CTNNA2: variants seen among roughly 807,000 people sequenced by gnomAD.
The protein encoded by CTNNA2 is catenin alpha-2.
CTNNA2 carries 42 observed loss-of-function variants against 101.0 expected under a neutral mutation model. The observed-to-expected ratio is 0.42, with a 90% CI of 0.32 to 0.54. The LOEUF (loss-of-function observed/expected upper bound fraction) is 0.54, where lower values mean the gene tolerates loss of function less well. CTNNA2 is among the 20% of genes least tolerant of loss of function. The pLI is 0.14. For synonymous variants in CTNNA2, 450 were observed against 456.4 expected (o/e 0.99, Z 0.18); for missense variants, 871 against 1,223.1 (o/e 0.71, Z 4.29).
At chr2:80,545,747 TCTC>T (rs1490679088) in intron 10 of CTNNA2, among the ~76,000 whole-genome samples, 157 bp from the exon 11 acceptor site, 1 of 152,092 alleles carries the variant, frequency 6.6e-6, no homozygotes, top group Non-Finnish European at 1.5e-5. Context: ...TAGTTGAAAA[TCTC>T]CTTTATCTTT....
intron 7 of CTNNA2, among the ~76,000 whole-genome samples, chr2:80,018,881 G>A (rs76961419): frequency 0.14 from 21,903 of 151,842 alleles, 1,984 homozygotes; most frequent in South Asian, 0.34. Flanking sequence ...TTCTGAAAGC[G>A]AAAGAGTAGG....
At chr2:79,983,786 A>G (rs2103850968) in intron 7 of CTNNA2, among the ~76,000 whole-genome samples, 2 of 152,352 alleles carry the variant, frequency 1.3e-5, no homozygotes, top group Middle Eastern at 3.4e-3. Context: ...CTTAATTACT[A>G]GTACTGCAAA....
intron 2 of CTNNA2, among the ~76,000 whole-genome samples, chr2:79,711,345 T>C (rs1461302966): frequency 2.6e-5 from 4 of 152,126 alleles, no homozygotes; most frequent in Non-Finnish European, 5.9e-5. Flanking sequence ...ATTCCAGATA[T>C]GCTGGAGGAG....
In CTNNA2 at chr2:80,541,005, T is replaced by C. The variant is rs568161531; in HGVS notation, c.1291-3977T>C. Among the ~76,000 whole-genome samples, 191 of 152,296 alleles carry C rather than the reference T, an allele frequency of 1.3e-3. 2 individuals are homozygous for C. Among genetic ancestry groups the C allele is most frequent in the African/African-American group, 4.3e-3 (179 of 41,574 alleles). On this transcript the variant is annotated intron_variant, in intron 9 of 18. Transcript: ENST00000402739. ...CATCTGGCCCAAGCTACATTATTGA[T>C]TGGGGACTGCCTCAAGCTATGAAGC...
intron 2 of CTNNA2, among the ~76,000 whole-genome samples, chr2:79,675,617 C>G (rs1031041029): frequency 3.3e-5 from 5 of 152,092 alleles, no homozygotes; most frequent in Non-Finnish European, 5.9e-5. Context: ...ATTTCTTTAT[C>G]AAAATACTCA....
At chr2:79,955,040 G>A (rs1391937142) in intron 7 of CTNNA2, among the ~76,000 whole-genome samples, 1 of 152,062 alleles carries the variant, frequency 6.6e-6, no homozygotes, top group African/African-American at 2.4e-5. Flanking sequence ...TAATTTCTTG[G>A]ACATCATTTC....
intron 1 of CTNNA2, among the ~76,000 whole-genome samples, chr2:79,573,114 C>A (rs574581093): frequency 6.6e-6 from 1 of 152,224 alleles, no homozygotes; most frequent in Non-Finnish European, 1.5e-5. Flanking sequence ...GACTGGAAAT[C>A]TTTATCTATT....
At chr2:79,678,317 A>C (rs993477481) in intron 2 of CTNNA2, among the ~76,000 whole-genome samples, 1 of 152,104 alleles carries the variant, frequency 6.6e-6, no homozygotes, top group African/African-American at 2.4e-5. Context: ...CAAGGTAGGC[A>C]GATCACTTGA....
intron 15 of CTNNA2, among the ~76,000 whole-genome samples, chr2:80,600,753 T>G (rs1193406418): frequency 1.3e-5 from 2 of 152,040 alleles, no homozygotes; most frequent in Non-Finnish European, 2.9e-5. Context: ...CAAGCAAACC[T>G]CTCACATCAG....
At chr2:79,205,965 T>G (rs1674095188) in intron 2 of CTNNA2, among the ~76,000 whole-genome samples, 1 of 152,170 alleles carries the variant, frequency 6.6e-6, no homozygotes. Flanking sequence ...CCCATTAGAC[T>G]TCAAAGCTGT....
chr2:79,799,931 AGG>A (rs1347310049), intron 3 of CTNNA2, among the ~76,000 whole-genome samples: 1 of 152,202 alleles, frequency 6.6e-6, no homozygotes, highest in Non-Finnish European at 1.5e-5. Context: ...TTTTGCTTAG[AGG>A]GGAAAAGTTC....
At chr2:80,131,844 C>A (rs1243164587) in intron 7 of CTNNA2, among the ~76,000 whole-genome samples, 2 of 152,044 alleles carry the variant, frequency 1.3e-5, no homozygotes, top group Non-Finnish European at 2.9e-5. Context: ...ACTTTGGGAG[C>A]CTGAGGCAGG....
intron 7 of CTNNA2, among the ~76,000 whole-genome samples, chr2:80,102,319 G>A (rs1480828820): frequency 1.3e-5 from 2 of 152,048 alleles, no homozygotes; most frequent in Non-Finnish European, 2.9e-5. Context: ...CCTTGGCCTT[G>A]TCCCATATGC....
chr2:79,855,444 TGGAA>T (rs1321691709), intron 3 of CTNNA2, among the ~76,000 whole-genome samples: 1 of 152,170 alleles, frequency 6.6e-6, no homozygotes, highest in Admixed American at 6.6e-5. Flanking sequence ...CTAAGACAGA[TGGAA>T]GGAGTCGTTC....
At chr2:80,611,600 CA>C (rs1287763735) in intron 17 of CTNNA2, among the ~76,000 whole-genome samples, 1 of 151,454 alleles carries the variant, frequency 6.6e-6, no homozygotes, top group Non-Finnish European at 1.5e-5. Context: ...GTTTAATCAG[CA>C]CCTTTAAAGT....
intron 3 of CTNNA2, among the ~76,000 whole-genome samples, chr2:79,343,757 A>G (rs962018297): frequency 1.2e-4 from 17 of 136,264 alleles, no homozygotes; most frequent in African/African-American, 4.3e-4. Flanking sequence ...TATTATTATT[A>G]TTTGCTACAA....
intron 7 of CTNNA2, among the ~76,000 whole-genome samples, chr2:80,073,907 T>C (rs1698516861): frequency 6.6e-6 from 1 of 152,178 alleles, no homozygotes; most frequent in African/African-American, 2.4e-5. Context: ...CATGAGCTTC[T>C]CTCATGATTA....
intron 3 of CTNNA2, among the ~76,000 whole-genome samples, chr2:79,757,599 A>G (rs1189929303): frequency 2.6e-5 from 4 of 152,230 alleles, no homozygotes; most frequent in Non-Finnish European, 2.9e-5. Flanking sequence ...ATATGGTCGA[A>G]GACTCAAGAA....
intron 12 of CTNNA2, among the ~76,000 whole-genome samples, chr2:80,559,891 T>TATATATATATATACACACACACAC (rs1553387588): frequency 6.8e-6 from 1 of 146,818 alleles, no homozygotes; most frequent in African/African-American, 2.6e-5. Context: ...TATATATATA[T>TATATATATATATACACACACACAC]ACACACACAT....
Sources: gnomAD v4.1 joint callset for allele counts (sites outside exome capture counted in the v4.1 genomes callset) on GRCh38, gnomAD v4.1.1 for gene constraint, MANE v1.5 for transcripts, NCBI Gene and HGNC (gene_info 2026-07-23, HGNC 2026-07-21) for gene names.